Variants in GOLM1 observed in about 807,000 individuals in gnomAD.
GOLM1 encodes golgi membrane protein 1.
Under a neutral mutation model 50.5 loss-of-function variants are expected in GOLM1, and 31 were observed. The ratio of observed to expected loss-of-function variants is 0.61; its 90% CI spans 0.46 to 0.83. The LOEUF (loss-of-function observed/expected upper bound fraction) is 0.83. Ranked by LOEUF, GOLM1 falls within the 40% of genes least tolerant of loss-of-function variation. GOLM1 has a pLI of 0.00. For synonymous variants in GOLM1, 178 were observed against 192.8 expected (o/e 0.92, Z 0.64); for missense variants, 491 against 501.3 (o/e 0.98, Z 0.20).
At chr9:86,077,735 C>T in intron 2 of GOLM1, 144 bp from the exon 3 acceptor site, 1 of 621,664 alleles carries the variant, frequency 1.6e-6, no homozygotes, top group Non-Finnish European at 2.9e-6. Flanking sequence ...TGTTTTAAGT[C>T]AACTGGACAG....
At chr9:86,085,463 T>TG (rs1256920916) in intron 1 of GOLM1, among the ~76,000 whole-genome samples, 1 of 151,208 alleles carries the variant, frequency 6.6e-6, no homozygotes, top group Non-Finnish European at 1.5e-5. Context: ...GTTTTTTTTT[T>TG]TTTTTTTGAA....
chr9:86,084,648 A>C (rs1834894613), intron 1 of GOLM1, among the ~76,000 whole-genome samples: 1 of 152,174 alleles, frequency 6.6e-6, no homozygotes, highest in South Asian at 2.1e-4. Flanking sequence ...TTAAGTCTAA[A>C]CTATATAAAA....
At chr9:86,029,304 A>G (rs1325016221) in intron 9 of GOLM1, among the ~76,000 whole-genome samples, 1 of 152,210 alleles carries the variant, frequency 6.6e-6, no homozygotes, top group Non-Finnish European at 1.5e-5. Context: ...AAGTGCACTC[A>G]TGACATTTTA....
intron 1 of GOLM1, among the ~76,000 whole-genome samples, chr9:86,099,086 C>T (rs7860792): frequency 6.6e-6 from 1 of 152,054 alleles, no homozygotes; most frequent in East Asian, 1.9e-4. Flanking sequence ...TGACAAAGCT[C>T]AGAACAAAAA....
At chr9:86,067,768 C>T (rs558945293) in intron 3 of GOLM1, among the ~76,000 whole-genome samples, 71 of 152,226 alleles carry the variant, frequency 4.7e-4, no homozygotes, top group Non-Finnish European at 8.2e-4. Flanking sequence ...TTTGGGAGGC[C>T]GAGGCGGGCG....
At chr9:86,062,680 G>A (rs1005590220) in intron 3 of GOLM1, among the ~76,000 whole-genome samples, 14 of 149,820 alleles carry the variant, frequency 9.3e-5, no homozygotes, top group African/African-American at 3.4e-4. Flanking sequence ...GGAAGAGGAA[G>A]GATGGAGGGA....
At chr9:86,093,382 A>T (rs1377898835) in intron 1 of GOLM1, among the ~76,000 whole-genome samples, 2 of 151,442 alleles carry the variant, frequency 1.3e-5, no homozygotes, top group African/African-American at 4.9e-5. Flanking sequence ...CCTCAAAAAA[A>T]AAAAAAAAAA....
Position 86,026,516 on chromosome 9 carries a change from T to C in GOLM1, c.*1301A>G. The C allele has an allele frequency of 3.4e-6, 3 of 884,242 alleles. No individual in the cohort carries two copies. The highest frequency in any genetic ancestry group is 4.1e-6 in the Non-Finnish European group (3 of 737,658). 54.8% of individuals were successfully genotyped at this position (884,242 alleles called of 1,614,324 possible). A position where few individuals can be genotyped will look rare whatever the true frequency, so the allele number is the denominator to read the frequency against. ...CACCAGCTAGATGCTCTGTAACTTC[T>C]AGGCCCCATTTTCCCCTCTGAAAAT... On this transcript the variant is annotated 3_prime_UTR_variant, in exon 10 of 10. Transcript: ENST00000388712.
chr9:86,094,930 A>G (rs1464419002), intron 1 of GOLM1, among the ~76,000 whole-genome samples: 1 of 152,122 alleles, frequency 6.6e-6, no homozygotes, highest in Non-Finnish European at 1.5e-5. Flanking sequence ...CTAAAAATAC[A>G]AAATTAGCCG....
rs1283808082 is a variant in GOLM1, at chr9:86,036,233, G to C, written c.757+115C>G. 3 of 1,033,732 alleles carry C rather than the reference G, an allele frequency of 2.9e-6. No individual in the cohort carries two copies. In the Admixed American group the frequency reaches 5.4e-5, roughly 19 times the overall value. The allele number at this position is 1,033,732 out of a possible 1,614,324, so 64.0% of individuals were successfully genotyped here. A position where few individuals can be genotyped will look rare whatever the true frequency, so the allele number is the denominator to read the frequency against. Reference sequence around the variant, plus strand: ...CAGGGGCCCAGAGAGACACGTCCCTGCTCCTGGCTGCGCCGCTGCCGGGTT... The same window carrying C: ...CAGGGGCCCAGAGAGACACGTCCCTCCTCCTGGCTGCGCCGCTGCCGGGTT... On this transcript the variant is annotated intron_variant, in intron 7 of 9. Coordinates refer to ENST00000388712, the MANE Select transcript of GOLM1 (RefSeq NM_016548.4).
intron 9 of GOLM1, among the ~76,000 whole-genome samples, chr9:86,030,499 A>G (rs1832942503): frequency 6.6e-6 from 1 of 152,188 alleles, no homozygotes; most frequent in Admixed American, 6.5e-5. Context: ...TTTTAGGGGG[A>G]CATTGTTGAA....
rs1330742975 is a variant in GOLM1, at chr9:86,027,913, AATATTCT to A, written c.1130-27_1130-21del. 7.1e-7 allele frequency: 1 copy of A among 1,409,102 alleles called. No individual in the cohort carries two copies. The highest frequency in any genetic ancestry group is 1.2e-5 in the South Asian group (1 of 86,454). 87.3% of individuals were successfully genotyped at this position (1,409,102 alleles called of 1,614,324 possible). ...TAAAAACTAAAAAGGAAAAACACAT[AATATTCT>A]ATAGAGTATTAAATGAGATACTAGC... On this transcript the variant is annotated intron_variant, in intron 9 of 9. Transcript: ENST00000388712.
intron 3 of GOLM1, among the ~76,000 whole-genome samples, chr9:86,053,967 A>C (rs981265575): frequency 4.6e-5 from 7 of 152,114 alleles, no homozygotes; most frequent in African/African-American, 1.7e-4. Context: ...AAAAAAGAAA[A>C]GGGAATGCAG....
rs192137220 is a variant in GOLM1, at chr9:86,050,268, C to T, written c.364+2269G>A. Among the ~76,000 whole-genome samples, 23 of 152,186 alleles carry T rather than the reference C, an allele frequency of 1.5e-4. No homozygotes were observed. The East Asian group carries it at 2.9e-3, about 19-fold the overall frequency. On this transcript the variant is annotated intron_variant, in intron 4 of 9. Coordinates refer to ENST00000388712, the MANE Select transcript of GOLM1 (RefSeq NM_016548.4). ...TGATGTGCTGCTGGATTTGGTTTGC[C>T]GGCATTTTATTGAGGATTTTTGCAT...
Position 86,040,514 on chromosome 9 carries a change from C to T in GOLM1, c.597+225G>A, listed in dbSNP as rs28545235. 5.2e-3 allele frequency among the ~76,000 whole-genome samples: 796 copies of T among 152,262 alleles called. 10 individuals carry two copies. The highest frequency in any genetic ancestry group is 0.033 in the South Asian group (159 of 4,826). ...CCAGGCTGGCTGCGAGCTTTAAATACGATAATTCCCGTAAAGCCCTGAGCT... is the reference window on the plus strand; with the variant it reads ...CCAGGCTGGCTGCGAGCTTTAAATATGATAATTCCCGTAAAGCCCTGAGCT... On this transcript the variant is annotated intron_variant, in intron 6 of 9. Coordinates refer to ENST00000388712, the MANE Select transcript of GOLM1 (RefSeq NM_016548.4).
chr9:86,046,817 G>A (rs531469111), intron 4 of GOLM1, among the ~76,000 whole-genome samples: 60 of 152,272 alleles, frequency 3.9e-4, no homozygotes, highest in African/African-American at 1.3e-3. Flanking sequence ...TTTCCCAAAT[G>A]TCTCTCTTAA....
At chr9:86,039,024 G>GA (rs1395035546) in intron 6 of GOLM1, among the ~76,000 whole-genome samples, 3 of 151,558 alleles carry the variant, frequency 2.0e-5, no homozygotes, top group Middle Eastern at 3.4e-3. Flanking sequence ...ACAGAATTGG[G>GA]AAAAAAAACT....
intron 3 of GOLM1, among the ~76,000 whole-genome samples, chr9:86,064,046 G>C (rs758202822): frequency 6.6e-6 from 1 of 152,168 alleles, no homozygotes; most frequent in Non-Finnish European, 1.5e-5. Flanking sequence ...TGAGGTCCAG[G>C]ACATCCCATG....
At chr9:86,033,091 T>A (rs1234571928) in intron 9 of GOLM1, among the ~76,000 whole-genome samples, 191 bp downstream of exon 9, 1 of 152,184 alleles carries the variant, frequency 6.6e-6, no homozygotes, top group Non-Finnish European at 1.5e-5. Flanking sequence ...ATGGTTTTCA[T>A]CACCTTGGGC....
Sources: gnomAD v4.1 joint callset for allele counts (sites outside exome capture counted in the v4.1 genomes callset) on GRCh38, gnomAD v4.1.1 for gene constraint, MANE v1.5 for transcripts, NCBI Gene and HGNC (gene_info 2026-07-23, HGNC 2026-07-21) for gene names.